SGCZ: variants seen among roughly 807,000 people sequenced by gnomAD.
SGCZ encodes the protein sarcoglycan zeta.
SGCZ carries 40 observed loss-of-function variants against 41.3 expected under a neutral mutation model. The observed-to-expected ratio is 0.97, with a 90% CI of 0.75 to 1.26. SGCZ has a LOEUF of 1.26. SGCZ is among the 50% of genes most tolerant of loss of function. The probability of loss-of-function intolerance (pLI) is 0.00; values close to 1 mark genes in which losing one functional copy is unlikely to be tolerated. For missense variants in SGCZ, 552 were observed against 369.8 expected, an observed-to-expected ratio of 1.49 and a Z score of -4.04; for synonymous variants, 206 against 137.5, an observed-to-expected ratio of 1.50 and a Z score of -3.49.
intron 2 of SGCZ, among the ~76,000 whole-genome samples, chr8:14,433,582 C>A (rs530909833): frequency 6.6e-6 from 1 of 152,266 alleles, no homozygotes; most frequent in East Asian, 1.9e-4. Flanking sequence ...CCATTATGAT[C>A]TTCCATCATT....
At chr8:14,412,112 G>C (rs1799376825) in intron 2 of SGCZ, among the ~76,000 whole-genome samples, 1 of 152,074 alleles carries the variant, frequency 6.6e-6, no homozygotes. Context: ...AGAACAGTAT[G>C]TGTCATATGG....
chr8:14,720,636 G>C (rs1809854490), intron 1 of SGCZ, among the ~76,000 whole-genome samples: 1 of 151,922 alleles, frequency 6.6e-6, no homozygotes, highest in African/African-American at 2.4e-5. Flanking sequence ...TGTTTCATAA[G>C]TAAGTTTTAT....
chr8:14,376,940 C>G (rs1585423969), intron 2 of SGCZ, among the ~76,000 whole-genome samples: 1 of 152,154 alleles, frequency 6.6e-6, no homozygotes, highest in African/African-American at 2.4e-5. Flanking sequence ...GTCTTTGTTC[C>G]TAGTTTCTAA....
intron 2 of SGCZ, among the ~76,000 whole-genome samples, chr8:14,519,374 A>C (rs1802720571): frequency 6.6e-6 from 1 of 152,138 alleles, no homozygotes. Context: ...TAATGAAGAA[A>C]TATGGAAAAG....
chr8:14,843,318 C>T (rs1329079974), intron 1 of SGCZ, among the ~76,000 whole-genome samples: 1 of 151,980 alleles, frequency 6.6e-6, no homozygotes, highest in Non-Finnish European at 1.5e-5. Flanking sequence ...AAAACACGAC[C>T]TATGAGTACA....
At chr8:14,798,150 G>T (rs973279886) in intron 1 of SGCZ, among the ~76,000 whole-genome samples, 4 of 152,090 alleles carry the variant, frequency 2.6e-5, no homozygotes, top group African/African-American at 7.2e-5. Context: ...TTATTAGTTG[G>T]CCATTTTACT....
intron 1 of SGCZ, among the ~76,000 whole-genome samples, chr8:15,101,691 G>A (rs1288129747): frequency 2.0e-5 from 3 of 152,240 alleles, no homozygotes; most frequent in Middle Eastern, 6.8e-3. Flanking sequence ...AGCACTTTGC[G>A]AGGATGAGGC....
At chr8:14,486,648 A>G (rs777585512) in intron 2 of SGCZ, among the ~76,000 whole-genome samples, 3 of 152,150 alleles carry the variant, frequency 2.0e-5, no homozygotes, top group Non-Finnish European at 4.4e-5. Flanking sequence ...ATCACGGCTC[A>G]CTGCAGTCTC....
intron 1 of SGCZ, among the ~76,000 whole-genome samples, chr8:15,109,379 T>C (rs1034291438): frequency 6.6e-6 from 1 of 152,108 alleles, no homozygotes; most frequent in Non-Finnish European, 1.5e-5. Context: ...TGAGAAGGAA[T>C]GTTGGCCAAT....
intron 1 of SGCZ, among the ~76,000 whole-genome samples, chr8:14,990,722 A>T (rs1446312520): frequency 6.6e-6 from 1 of 152,086 alleles, no homozygotes; most frequent in Non-Finnish European, 1.5e-5. Context: ...GTGCGTAATA[A>T]AGGCAAGGTA....
intron 3 of SGCZ, among the ~76,000 whole-genome samples, chr8:14,296,280 C>G (rs1160626631): frequency 6.6e-6 from 1 of 152,126 alleles, no homozygotes; most frequent in African/African-American, 2.4e-5. Context: ...ACAATAAAAA[C>G]TACTACACAT....
intron 1 of SGCZ, among the ~76,000 whole-genome samples, chr8:14,711,790 C>A (rs1264350296): frequency 6.6e-6 from 1 of 152,164 alleles, no homozygotes; most frequent in East Asian, 1.9e-4. Context: ...TTATCTGGTA[C>A]GTTCTGATAG....
At chr8:14,922,737 T>C (rs903752998) in intron 1 of SGCZ, among the ~76,000 whole-genome samples, 1 of 152,160 alleles carries the variant, frequency 6.6e-6, no homozygotes, top group African/African-American at 2.4e-5. Flanking sequence ...TTCTAAAGCA[T>C]TTTTGCATAC....
chr8:14,246,021 T>C (rs1161818459), intron 3 of SGCZ, among the ~76,000 whole-genome samples: 3 of 152,142 alleles, frequency 2.0e-5, no homozygotes, highest in East Asian at 3.9e-4. Flanking sequence ...AGTTCAACCA[T>C]TGTGGAAGTC....
chr8:14,654,684 G>A (rs1001102886), intron 1 of SGCZ, among the ~76,000 whole-genome samples: 1 of 151,622 alleles, frequency 6.6e-6, no homozygotes, highest in Non-Finnish European at 1.5e-5. Context: ...CGATTCTCCT[G>A]CCTCAGCCTC....
chr8:15,120,833 ATATG>A (rs1807452130), intron 1 of SGCZ, among the ~76,000 whole-genome samples: 1 of 152,152 alleles, frequency 6.6e-6, no homozygotes, highest in African/African-American at 2.4e-5. Context: ...TCCTATTTGC[ATATG>A]AATACCTTGT....
At chr8:14,524,536 C>A (rs915191362) in intron 2 of SGCZ, among the ~76,000 whole-genome samples, 4 of 151,980 alleles carry the variant, frequency 2.6e-5, no homozygotes, top group Non-Finnish European at 5.9e-5. Flanking sequence ...TACAAAGGTA[C>A]GAAGAGCTCA....
chr8:14,273,798 T>G (rs1166977886), intron 3 of SGCZ, among the ~76,000 whole-genome samples: 1 of 152,140 alleles, frequency 6.6e-6, no homozygotes, highest in Non-Finnish European at 1.5e-5. Flanking sequence ...CGTAATAGCC[T>G]CTCGAGAGAT....
At chr8:14,303,834 C>G (rs1022827499) in intron 3 of SGCZ, among the ~76,000 whole-genome samples, 2 of 152,058 alleles carry the variant, frequency 1.3e-5, no homozygotes, top group African/African-American at 4.8e-5. Context: ...TCACTGCAAC[C>G]TCCATTCCCT....
Sources: gnomAD v4.1 joint callset for allele counts (sites outside exome capture counted in the v4.1 genomes callset) on GRCh38, gnomAD v4.1.1 for gene constraint, MANE v1.5 for transcripts, NCBI Gene and HGNC (gene_info 2026-07-23, HGNC 2026-07-21) for gene names.